VPS41: variants seen among roughly 807,000 people sequenced by gnomAD.
VPS41 encodes the protein vacuolar protein sorting-associated protein 41 homolog.
Under a neutral mutation model 130.9 loss-of-function variants are expected in VPS41, and 85 were observed. That is an observed-to-expected ratio of 0.65 (90% CI 0.55 to 0.78). The LOEUF (loss-of-function observed/expected upper bound fraction) is 0.78. Ranked by LOEUF, VPS41 falls within the 30% of genes least tolerant of loss-of-function variation. The pLI is 0.00. For synonymous variants in VPS41, 335 were observed against 332.9 expected, an observed-to-expected ratio of 1.01 and a Z score of -0.07; for missense variants, 874 against 1,018.7, an observed-to-expected ratio of 0.86 and a Z score of 1.93.
rs1165072920 is a variant in VPS41, at chr7:38,752,235, AT to A, written c.1866del (p.Glu622AspfsTer32). ...AAGGGAAGTAAGTTTGGTCGATCATATTCAGCATAAAGACTGATCTGTTTTT... is the reference window on the plus strand; with the variant it reads ...AAGGGAAGTAAGTTTGGTCGATCATATCAGCATAAAGACTGATCTGTTTTT... Reference protein sequence around the residue: ...YHEKQISLYAEYDRPNLLPFL... With the variant: ...YHEKQISLYAXYDRPNLLPFL... On this transcript the variant is annotated frameshift_variant, in exon 22 of 29. Coordinates refer to ENST00000310301, the MANE Select transcript of VPS41 (RefSeq NM_014396.4). LOFTEE classifies it high-confidence loss of function. The A allele has an allele frequency of 1.9e-6, 3 of 1,613,904 alleles. No homozygotes were observed. Among genetic ancestry groups the A allele is most frequent in the Non-Finnish European group, 1.7e-6 (2 of 1,179,924 alleles).
chr7:38,824,465 A>G lies in VPS41; in HGVS notation c.322-3200T>C, dbSNP rs186788515. Reference sequence around the variant, plus strand: ...GAGCAAATACCATTATGCCTGTTGAACTGATGATTCTATAGAAAAATGACT... The same window carrying G: ...GAGCAAATACCATTATGCCTGTTGAGCTGATGATTCTATAGAAAAATGACT... On this transcript the variant is annotated intron_variant, in intron 5 of 28. Coordinates refer to ENST00000310301, the MANE Select transcript of VPS41 (RefSeq NM_014396.4). Among the ~76,000 whole-genome samples the G allele has an allele frequency of 3.6e-3, 549 of 152,350 alleles. 2 individuals are homozygous for G. Among genetic ancestry groups the G allele is most frequent in the Admixed American group, 6.2e-3 (95 of 15,310 alleles).
chr7:38,795,773 G>A (rs1331468179), intron 8 of VPS41, among the ~76,000 whole-genome samples, 162 bp from the exon 9 acceptor site: 1 of 152,092 alleles, frequency 6.6e-6, no homozygotes, highest in Non-Finnish European at 1.5e-5. Context: ...CAAACCCTGT[G>A]GGAACTAAAA....
intron 2 of VPS41, 79 bp downstream of exon 2, chr7:38,898,012 T>G: frequency 1.5e-6 from 2 of 1,361,728 alleles, no homozygotes; most frequent in Non-Finnish European, 2.1e-6. Context: ...CTGGGAATGT[T>G]GCATTTAGCA....
rs531714839 is a variant in VPS41 at position 38,765,677 on chromosome 7, T to A, written c.1248-16A>T. 3.2e-6 allele frequency: 5 copies of A among 1,547,560 alleles called. No individual in the cohort carries two copies. In the African/African-American group the frequency reaches 5.5e-5, roughly 17 times the overall value. On this transcript the variant is annotated splice_polypyrimidine_tract_variant and intron_variant, in intron 15 of 28. Transcript: ENST00000310301. ...CTGGCATTTGCTGGCAGTAAAAACA[T>A]CCCAGGCAGAAAGAAAGTATATATT...
intron 2 of VPS41, among the ~76,000 whole-genome samples, chr7:38,879,116 G>A (rs1055592247): frequency 6.6e-6 from 1 of 152,178 alleles, no homozygotes; most frequent in Admixed American, 6.5e-5. Flanking sequence ...AAAATGAGAG[G>A]AAAGAGGGAT....
chr7:38,816,548 G>A (rs748541253), intron 7 of VPS41, among the ~76,000 whole-genome samples: 4 of 151,930 alleles, frequency 2.6e-5, no homozygotes, highest in Non-Finnish European at 5.9e-5. Context: ...GCTCCAAACC[G>A]AATAGTAAAT....
Position 38,894,172 on chromosome 7 carries a change from T to C in VPS41, c.60+3919A>G, listed in dbSNP as rs533361794. ...AGTTACAAAACACGAGAAGAGATGA[T>C]AGAGAACGAAGAGAAATGGATGAAG... On this transcript the variant is annotated intron_variant, in intron 2 of 28. Coordinates refer to ENST00000310301, the MANE Select transcript of VPS41 (RefSeq NM_014396.4). Among the ~76,000 whole-genome samples, 69 of 152,174 alleles carry C rather than the reference T, an allele frequency of 4.5e-4. 2 individuals carry two copies. In the South Asian group the frequency reaches 0.014, roughly 31 times the overall value.
In VPS41 at chr7:38,869,171, G is replaced by A; in HGVS notation, c.143C>T (p.Ala48Val). The A allele has an allele frequency of 6.2e-7, 1 of 1,608,202 alleles. No homozygotes were observed. The highest frequency in any genetic ancestry group is 8.5e-7 in the Non-Finnish European group (1 of 1,176,370). Residue 48 changes from alanine (A) to valine (V), a missense_variant, in exon 3 of 29, where the codon GCT (alanine) becomes GTT (valine). Physicochemically the swap from Ala to Val is moderately conservative, Grantham distance 64 (BLOSUM62 0). Coordinates refer to ENST00000310301, the MANE Select transcript of VPS41 (RefSeq NM_014396.4). Reference sequence around the variant, plus strand: ...CTTGTCATGGACTGTCATGCAGCTAGCTGCATCCTTCTGAAGTATTTCAGT... The same window carrying A: ...CTTGTCATGGACTGTCATGCAGCTAACTGCATCCTTCTGAAGTATTTCAGT... ...GVTEILQKDA[A>V]SCMTVHDKFL...
intron 10 of VPS41, among the ~76,000 whole-genome samples, chr7:38,785,566 T>C (rs1047518563): frequency 6.6e-6 from 1 of 152,214 alleles, no homozygotes; most frequent in Non-Finnish European, 1.5e-5. Flanking sequence ...ACAGCACTGA[T>C]GAGGAATATT....
At chr7:38,855,362 G>A (rs975087365) in intron 4 of VPS41, among the ~76,000 whole-genome samples, 10 of 152,070 alleles carry the variant, frequency 6.6e-5, no homozygotes, top group African/African-American at 2.4e-4. Context: ...AAAAGAGATG[G>A]GTGATCCTCC....
chr7:38,751,232 A>G (rs1179261571), intron 22 of VPS41, among the ~76,000 whole-genome samples: 1 of 152,238 alleles, frequency 6.6e-6, no homozygotes, highest in African/African-American at 2.4e-5. Flanking sequence ...AGTGTACATA[A>G]ACTGTGTTAT....
At chr7:38,861,299 C>T (rs185257229) in intron 4 of VPS41, among the ~76,000 whole-genome samples, 1 of 152,156 alleles carries the variant, frequency 6.6e-6, no homozygotes, top group Non-Finnish European at 1.5e-5. Flanking sequence ...AGAAACCACA[C>T]AGTCAATCTT....
chr7:38,896,058 A>C (rs1297227315), intron 2 of VPS41, among the ~76,000 whole-genome samples: 1 of 151,976 alleles, frequency 6.6e-6, no homozygotes, highest in African/African-American at 2.4e-5. Context: ...ATTACTCCCC[A>C]TTTGCTAATT....
chr7:38,796,970 C>T, intron 7 of VPS41, 106 bp from the exon 8 acceptor site: 4 of 1,307,786 alleles, frequency 3.1e-6, no homozygotes, highest in Non-Finnish European at 4.3e-6. Flanking sequence ...ACAAACAAGT[C>T]ACTCTCGACG....
At chr7:38,822,739 T>C (rs371168499) in intron 5 of VPS41, among the ~76,000 whole-genome samples, 1 of 152,348 alleles carries the variant, frequency 6.6e-6, no homozygotes, top group South Asian at 2.1e-4. Flanking sequence ...TCACATTTAA[T>C]AGGCAAACCA....
At chr7:38,885,203 A>G (rs1786696408) in intron 2 of VPS41, among the ~76,000 whole-genome samples, 1 of 152,182 alleles carries the variant, frequency 6.6e-6, no homozygotes, top group African/African-American at 2.4e-5. Context: ...CCTCCCAAGT[A>G]GCTGGAATTA....
chr7:38,826,657 G>A (rs1785285515), intron 5 of VPS41, among the ~76,000 whole-genome samples: 1 of 152,072 alleles, frequency 6.6e-6, no homozygotes, highest in African/African-American at 2.4e-5. Context: ...CCATTTTACA[G>A]GGGAGGAAAT....
intron 25 of VPS41, among the ~76,000 whole-genome samples, chr7:38,738,733 G>A (rs551157680): frequency 6.6e-6 from 1 of 152,300 alleles, no homozygotes; most frequent in Admixed American, 6.5e-5. Context: ...TAAAGCTTAT[G>A]AAGTGCAATA....
At chr7:38,831,291 T>C (rs1785383054) in intron 4 of VPS41, 3 of 469,626 alleles carry the variant, frequency 6.4e-6, no homozygotes, top group East Asian at 6.9e-5. Context: ...GCAGCCTAGG[T>C]TTCCTGTCCA....
Sources: allele counts gnomAD v4.1 joint callset (sites outside exome capture counted in the v4.1 genomes callset), GRCh38; gene constraint gnomAD v4.1.1; transcripts MANE v1.5; gene names NCBI Gene and HGNC (gene_info 2026-07-23, HGNC 2026-07-21).